Variants in PTPRM observed in about 807,000 individuals in gnomAD.
PTPRM encodes the protein receptor-type tyrosine-protein phosphatase mu.
Under a neutral mutation model 186.7 loss-of-function variants are expected in PTPRM, and 47 were observed. The ratio of observed to expected loss-of-function variants is 0.25; its 90% confidence interval spans 0.20 to 0.32. The LOEUF (loss-of-function observed/expected upper bound fraction) is 0.32. Ranked by LOEUF, PTPRM falls within the 10% of genes least tolerant of loss-of-function variation. The pLI, the probability that PTPRM is intolerant of heterozygous loss-of-function variation, is 1.00. For synonymous variants in PTPRM, 668 were observed against 674.9 expected, an observed-to-expected ratio of 0.99 and a Z score of 0.16; for missense variants, 1,494 against 1,865.0, an observed-to-expected ratio of 0.80 and a Z score of 3.66.
chr18:7,652,195 A>G lies in PTPRM; in HGVS notation c.73+84304A>G, dbSNP rs11036898. 4.9e-3 allele frequency among the ~76,000 whole-genome samples: 754 copies of G among 152,356 alleles called. 3 individuals carry two copies. Among genetic ancestry groups the G allele is most frequent in the Non-Finnish European group, 8.5e-3 (581 of 68,038 alleles). The stretch of plus-strand genomic sequence containing the variant: ...CATCAGAGAAATGCAAATCAAAACC[A>G]CAATGAGATATCATCTAACACCAGT... On this transcript the variant is annotated intron_variant, in intron 1 of 32. Transcript: ENST00000580170.
At chr18:7,575,134 G>A (rs1055207501) in intron 1 of PTPRM, among the ~76,000 whole-genome samples, 1 of 152,182 alleles carries the variant, frequency 6.6e-6, no homozygotes, top group African/African-American at 2.4e-5. Context: ...AACCCTCAAA[G>A]ACAACCATTG....
chr18:8,061,750 G>A (rs1335060715), intron 7 of PTPRM, among the ~76,000 whole-genome samples: 9 of 110,730 alleles, frequency 8.1e-5, no homozygotes, highest in African/African-American at 3.3e-4. Context: ...ATTCTGGGTT[G>A]AAAATTCTTT....
At chr18:8,285,687 C>T (rs2094949089) in intron 19 of PTPRM, among the ~76,000 whole-genome samples, 1 of 152,132 alleles carries the variant, frequency 6.6e-6, no homozygotes, top group African/African-American at 2.4e-5. Context: ...ATTATCTTTA[C>T]CTGAGGAAAG....
At chr18:8,211,597 G>T (rs2094007327) in intron 14 of PTPRM, among the ~76,000 whole-genome samples, 1 of 151,752 alleles carries the variant, frequency 6.6e-6, no homozygotes, top group African/African-American at 2.4e-5. Context: ...TAGAGACAGG[G>T]TTTCACCATG....
chr18:8,209,959 G>A (rs2146946238), intron 14 of PTPRM, among the ~76,000 whole-genome samples: 1 of 132,070 alleles, frequency 7.6e-6, no homozygotes, highest in South Asian at 2.5e-4. Context: ...TGCACTTTCT[G>A]CACATGTATC....
intron 29 of PTPRM, among the ~76,000 whole-genome samples, chr18:8,380,927 A>G (rs939343189): frequency 1.3e-5 from 2 of 152,206 alleles, no homozygotes; most frequent in African/African-American, 4.8e-5. Flanking sequence ...AGAGATTGTC[A>G]TGCAGGGTGA....
chr18:8,193,924 G>A (rs2093741459), intron 14 of PTPRM, among the ~76,000 whole-genome samples: 1 of 152,204 alleles, frequency 6.6e-6, no homozygotes, highest in Admixed American at 6.5e-5. Flanking sequence ...CAGTTCTCAT[G>A]GATGCTGTAT....
At chr18:8,177,788 A>G (rs904068928) in intron 14 of PTPRM, among the ~76,000 whole-genome samples, 2 of 152,196 alleles carry the variant, frequency 1.3e-5, no homozygotes, top group South Asian at 2.1e-4. Flanking sequence ...GAGAGGGTCA[A>G]GTGCACGGTT....
At chr18:7,633,625 GCT>G (rs1029120814) in intron 1 of PTPRM, among the ~76,000 whole-genome samples, 7 of 152,090 alleles carry the variant, frequency 4.6e-5, no homozygotes, top group Non-Finnish European at 7.4e-5. Context: ...AATCTGACCT[GCT>G]CTCTCTATCT....
At chr18:8,332,670 T>G (rs1258086275) in intron 22 of PTPRM, among the ~76,000 whole-genome samples, 3 of 152,048 alleles carry the variant, frequency 2.0e-5, no homozygotes, top group African/African-American at 7.2e-5. Flanking sequence ...GCAAGGCAAT[T>G]TAGAAGAAAT....
intron 1 of PTPRM, among the ~76,000 whole-genome samples, chr18:7,773,506 A>G (rs1038666714): frequency 4.0e-5 from 6 of 151,050 alleles, no homozygotes; most frequent in South Asian, 4.2e-4. Flanking sequence ...TCAAATTCCT[A>G]TACATCTGGA....
At chr18:7,966,116 G>T (rs1407335947) in intron 7 of PTPRM, among the ~76,000 whole-genome samples, 1 of 152,048 alleles carries the variant, frequency 6.6e-6, no homozygotes, top group African/African-American at 2.4e-5. Flanking sequence ...TAAATAACTG[G>T]TAATTACCTA....
intron 2 of PTPRM, among the ~76,000 whole-genome samples, chr18:7,842,839 T>TAG (rs1336393443): frequency 0.066 from 5,593 of 85,154 alleles, 432 homozygotes; most frequent in African/African-American, 0.22. Context: ...TATATATATA[T>TAG]ATAGAGAGAG....
chr18:7,716,055 C>T (rs1319694406), intron 1 of PTPRM, among the ~76,000 whole-genome samples: 5 of 152,164 alleles, frequency 3.3e-5, no homozygotes, highest in Admixed American at 2.0e-4. Flanking sequence ...ATAGTCAAGA[C>T]AATCTTAAGC....
In PTPRM at chr18:7,567,964, C is replaced by T; in HGVS notation, c.73+73C>T. 3 of 1,431,724 alleles carry T rather than the reference C, an allele frequency of 2.1e-6. No homozygotes were observed. The highest frequency in any genetic ancestry group is 9.2e-7 in the Non-Finnish European group (1 of 1,087,992). The allele number at this position is 1,431,724 out of a possible 1,614,324, so 88.7% of individuals were successfully genotyped here. A position where few individuals can be genotyped will look rare whatever the true frequency, so the allele number is the denominator to read the frequency against. On this transcript the variant is annotated intron_variant, in intron 1 of 32. Coordinates refer to ENST00000580170, the MANE Select transcript of PTPRM (RefSeq NM_001105244.2). This position sits in a 1 kb window ranked among gnomAD's most constrained non-coding sequence, Gnocchi z 4.3. ...GGACGCCCGGGACGCCGACAGCTCCCTGGTGGTAGAGCCCTAAGGCTGGCG... is the reference window on the plus strand; with the variant it reads ...GGACGCCCGGGACGCCGACAGCTCCTTGGTGGTAGAGCCCTAAGGCTGGCG...
chr18:7,650,857 A>T (rs1034919030), intron 1 of PTPRM, among the ~76,000 whole-genome samples: 2 of 152,222 alleles, frequency 1.3e-5, no homozygotes, highest in South Asian at 2.1e-4. Flanking sequence ...TTCTACAAAA[A>T]CCAACTCTAA....
intron 3 of PTPRM, among the ~76,000 whole-genome samples, chr18:7,897,323 A>T (rs1053795120): frequency 1.3e-5 from 2 of 152,194 alleles, no homozygotes; most frequent in African/African-American, 4.8e-5. Flanking sequence ...GAAAAATAGA[A>T]CATACTTTGA....
At chr18:8,243,171 G>A (rs1488781301) in intron 14 of PTPRM, among the ~76,000 whole-genome samples, 1 of 152,104 alleles carries the variant, frequency 6.6e-6, no homozygotes, top group African/African-American at 2.4e-5. Flanking sequence ...TTTTGTACAG[G>A]TGTCAGTCAT....
rs773784416 is a variant in PTPRM, at chr18:7,567,817, C to T, written c.-2C>T. 13 of 1,552,200 alleles carry T rather than the reference C, an allele frequency of 8.4e-6. No individual in the cohort carries two copies. The South Asian group carries it at 1.5e-4, about 18-fold the overall frequency. On this transcript the variant is annotated 5_prime_UTR_variant, in exon 1 of 33. Transcript: ENST00000580170. This position sits in a 1 kb window ranked among gnomAD's most constrained non-coding sequence, Gnocchi z 4.3. ...GGAGCGGCCCGGCCCGCACTCAGCA[C>T]CATGAGGGGACTTGGGACTTGCCTG...
Sources: gnomAD v4.1 joint callset for allele counts (sites outside exome capture counted in the v4.1 genomes callset) on GRCh38, gnomAD v4.1.1 for gene constraint, Gnocchi (gnomAD v3.1) non-coding constraint, MANE v1.5 for transcripts, NCBI Gene and HGNC (gene_info 2026-07-23, HGNC 2026-07-21) for gene names.